The following SAXO1 variants were observed in gnomAD, a reference collection of about 807,000 sequenced individuals.
SAXO1 encodes the protein stabilizer of axonemal microtubules 1, also known as 4930500O09Rik.
Under a neutral mutation model 17.5 loss-of-function variants are expected in SAXO1, and 21 were observed. The observed-to-expected ratio is 1.20, with a 90% CI of 0.85 to 1.72. The LOEUF (loss-of-function observed/expected upper bound fraction) is 1.72. SAXO1 is among the 40% of genes most tolerant of loss of function. SAXO1 has a pLI of 0.00. For synonymous variants in SAXO1, 274 were observed against 216.5 expected, an observed-to-expected ratio of 1.27 and a Z score of -2.33; for missense variants, 843 against 596.0, an observed-to-expected ratio of 1.41 and a Z score of -4.32.
At chr9:18,933,748 T>C (rs143776599) in intron 3 of SAXO1, among the ~76,000 whole-genome samples, 1 of 152,308 alleles carries the variant, frequency 6.6e-6, no homozygotes, top group East Asian at 1.9e-4. Flanking sequence ...ACTTAGCCAT[T>C]AATAATGTCA....
At chr9:18,981,735 A>G (rs1365350575) in intron 1 of SAXO1, among the ~76,000 whole-genome samples, 2 of 152,150 alleles carry the variant, frequency 1.3e-5, no homozygotes, top group East Asian at 1.9e-4. Flanking sequence ...GCAGGCTCAC[A>G]GGGATTGGGG....
At position 19,032,860 on chromosome 9, in the gene SAXO1, G is replaced by C; in HGVS notation, c.38+11C>G. The stretch of plus-strand genomic sequence containing the variant: ...GCTCCCCCAGCCTTGCCCTGGGCGT[G>C]GCCACCTTACCCGCAGGAGCACAGT... On this transcript the variant is annotated intron_variant, in intron 1 of 3. Coordinates refer to ENST00000380534, the MANE Select transcript of SAXO1 (RefSeq NM_153707.4). The C allele has an allele frequency of 1.2e-6, 2 of 1,609,934 alleles. No homozygotes were observed. The highest frequency in any genetic ancestry group is 2.2e-5 in the East Asian group (1 of 44,816).
At chr9:18,950,393 G>C (rs968208467) in intron 2 of SAXO1, among the ~76,000 whole-genome samples, 1 of 152,014 alleles carries the variant, frequency 6.6e-6, no homozygotes, top group Admixed American at 6.6e-5. Flanking sequence ...AAGCTGGCCT[G>C]GAGCTTTTCA....
Position 18,990,802 on chromosome 9 carries a change from G to A in SAXO1, c.39-39865C>T, listed in dbSNP as rs558481670. 1.1e-4 allele frequency among the ~76,000 whole-genome samples: 16 copies of A among 152,300 alleles called. No individual in the cohort carries two copies. The East Asian group carries it at 3.1e-3, about 29-fold the overall frequency. On this transcript the variant is annotated intron_variant, in intron 1 of 3. Transcript: ENST00000380534. Reference sequence around the variant, plus strand: ...TGCGCATGCAAGCGATCTAGGTTGTGTGCTCCTTATGAGAACCTAATGCCT... The same window carrying A: ...TGCGCATGCAAGCGATCTAGGTTGTATGCTCCTTATGAGAACCTAATGCCT...
chr9:18,980,843 G>A (rs7863544), intron 1 of SAXO1, among the ~76,000 whole-genome samples: 15,212 of 138,578 alleles, frequency 0.11, 1,277 homozygotes, highest in African/African-American at 0.26. Context: ...AAAACTCATC[G>A]AGAACCCTCA....
At chr9:18,992,275 G>A (rs147605163) in intron 1 of SAXO1, among the ~76,000 whole-genome samples, 46 of 152,330 alleles carry the variant, frequency 3.0e-4, no homozygotes, top group African/African-American at 1.1e-3. Flanking sequence ...TGTGAGTGCT[G>A]TGGGTGAAAT....
intron 1 of SAXO1, among the ~76,000 whole-genome samples, chr9:19,022,184 C>G (rs888696616): frequency 6.6e-6 from 1 of 152,224 alleles, no homozygotes; most frequent in Non-Finnish European, 1.5e-5. Context: ...CCTTTAAGAG[C>G]TGTAACACTC....
chr9:18,963,289 C>CT (rs1338959791), intron 1 of SAXO1, among the ~76,000 whole-genome samples: 1 of 152,128 alleles, frequency 6.6e-6, no homozygotes, highest in South Asian at 2.1e-4. Context: ...GCTATACAGG[C>CT]TTTTTTTGGT....
chr9:18,955,195 T>C (rs1407267151), intron 1 of SAXO1, among the ~76,000 whole-genome samples: 1 of 152,064 alleles, frequency 6.6e-6, no homozygotes, highest in Non-Finnish European at 1.5e-5. Flanking sequence ...TGATGTAGTA[T>C]CTCTAAAAAA....
intron 1 of SAXO1, among the ~76,000 whole-genome samples, chr9:18,999,646 G>C (rs1277964606): frequency 1.4e-5 from 2 of 138,780 alleles, no homozygotes; most frequent in African/African-American, 2.7e-5. Flanking sequence ...CCCTCTGCCC[G>C]GCCGCCACAC....
At chr9:18,948,500 GT>G (rs1438249612) in intron 2 of SAXO1, among the ~76,000 whole-genome samples, 5 of 152,136 alleles carry the variant, frequency 3.3e-5, no homozygotes, top group Admixed American at 2.6e-4. Flanking sequence ...GATGTACATG[GT>G]ATTTATTGTT....
intron 3 of SAXO1, among the ~76,000 whole-genome samples, chr9:18,933,164 G>A (rs1831128603): frequency 6.7e-6 from 1 of 148,512 alleles, no homozygotes; most frequent in Non-Finnish European, 1.5e-5. Flanking sequence ...TAGAAGTACA[G>A]ATTTTTTTTG....
chr9:19,025,189 TTC>T (rs1304993077), intron 1 of SAXO1, among the ~76,000 whole-genome samples: 1 of 152,206 alleles, frequency 6.6e-6, no homozygotes, highest in Non-Finnish European at 1.5e-5. Flanking sequence ...GTGAAAGTTT[TTC>T]TTTTTTTTCT....
intron 1 of SAXO1, among the ~76,000 whole-genome samples, chr9:19,032,048 T>C (rs1203406210): frequency 6.6e-6 from 1 of 152,182 alleles, no homozygotes; most frequent in Non-Finnish European, 1.5e-5. Context: ...GTACGTATTG[T>C]TGGTACAGAT....
chr9:19,037,579 A>T (rs1021387377), upstream of SAXO1, among the ~76,000 whole-genome samples: 1 of 152,114 alleles, frequency 6.6e-6, no homozygotes, highest in African/African-American at 2.4e-5. Flanking sequence ...GCTGCCATGT[A>T]AGAAGTGCCT....
intron 3 of SAXO1, among the ~76,000 whole-genome samples, chr9:18,933,495 C>G (rs1221754031): frequency 2.0e-5 from 3 of 152,164 alleles, no homozygotes; most frequent in African/African-American, 7.2e-5. Context: ...TGCTTTACTA[C>G]TTTTTGTGTA....
chr9:18,996,739 A>C (rs183782556), intron 1 of SAXO1, among the ~76,000 whole-genome samples: 18 of 152,356 alleles, frequency 1.2e-4, no homozygotes, highest in African/African-American at 4.1e-4. Flanking sequence ...CATCATACTT[A>C]ATGATGAAAA....
chr9:19,022,091 CA>C (rs1835263368), intron 1 of SAXO1, among the ~76,000 whole-genome samples: 1 of 152,246 alleles, frequency 6.6e-6, no homozygotes, highest in South Asian at 2.1e-4. Flanking sequence ...CTGTAACACT[CA>C]GTGTGAGTTT....
intron 3 of SAXO1, among the ~76,000 whole-genome samples, chr9:18,930,084 G>C (rs1830973909): frequency 6.6e-6 from 1 of 152,158 alleles, no homozygotes; most frequent in Non-Finnish European, 1.5e-5. Flanking sequence ...CCGTATTGTT[G>C]TCTCCAAAGC....
Sources: allele counts gnomAD v4.1 joint callset (sites outside exome capture counted in the v4.1 genomes callset), GRCh38; gene constraint gnomAD v4.1.1; transcripts MANE v1.5; gene names NCBI Gene and HGNC (gene_info 2026-07-23, HGNC 2026-07-21).